The following NINJ2 variants were observed in gnomAD, a reference collection of about 807,000 sequenced individuals.
The protein encoded by NINJ2 is ninjurin-2.
A neutral mutation model predicts 11.7 loss-of-function variants in NINJ2; 12 were observed. The ratio of observed to expected loss-of-function variants is 1.02; its 90% confidence interval spans 0.66 to 1.66. The LOEUF (loss-of-function observed/expected upper bound fraction) is 1.66. Ranked by LOEUF, NINJ2 falls within the 40% of genes most tolerant of loss-of-function variation. The pLI is 0.00. For synonymous variants in NINJ2, 93 were observed against 76.8 expected (o/e 1.21, Z -1.10); for missense variants, 187 against 181.8 (o/e 1.03, Z -0.16).
At chr12:649,029 T>TCTATCTAC (rs1245571973) in intron 1 of NINJ2, among the ~76,000 whole-genome samples, 1 of 151,518 alleles carries the variant, frequency 6.6e-6, no homozygotes, top group Non-Finnish European at 1.5e-5. Context: ...TATCTATCTA[T>TCTATCTAC]CTATCTCAAG....
At chr12:600,653 GGTGTGTGTGTGTGT>G (rs58255968) in intron 1 of NINJ2, among the ~76,000 whole-genome samples, 39,745 of 141,950 alleles carry the variant, frequency 0.28, 6,725 homozygotes, top group Non-Finnish European at 0.39. Flanking sequence ...ATTTTTTTGG[GGTGTGTGTGTGTGT>G]GTGTGTGTGT....
At chr12:622,816 C>T (rs1404503742) in intron 1 of NINJ2, among the ~76,000 whole-genome samples, 2 of 151,608 alleles carry the variant, frequency 1.3e-5, no homozygotes, top group Non-Finnish European at 2.9e-5. Context: ...TCATGAATAA[C>T]TTTTCACATA....
In NINJ2 at chr12:594,273, T is replaced by C. The variant is rs529442171; in HGVS notation, c.34-28095A>G. On this transcript the variant is annotated intron_variant, in intron 1 of 3. Coordinates refer to ENST00000305108, the MANE Select transcript of NINJ2 (RefSeq NM_016533.6). ...AAGGTTGCAGGATACAAGGTTAATA[T>C]AAAAAAGTCCATTGTTTTCCTATAG... Among the ~76,000 whole-genome samples, 6 of 152,244 alleles carry C rather than the reference T, an allele frequency of 3.9e-5. No individual in the cohort carries two copies. In the East Asian group the frequency reaches 1.2e-3, roughly 29 times the overall value.
At chr12:566,224 G>A in intron 1 of NINJ2, 46 bp from the exon 2 acceptor site, 1 of 1,520,076 alleles carries the variant, frequency 6.6e-7, no homozygotes, top group Non-Finnish European at 9.0e-7. Flanking sequence ...CTCTGGAAGG[G>A]AAGCAGTTGA....
intron 1 of NINJ2, among the ~76,000 whole-genome samples, chr12:623,638 G>A (rs1304695832): frequency 1.3e-5 from 2 of 152,248 alleles, no homozygotes; most frequent in African/African-American, 2.4e-5. Flanking sequence ...GAAGGGATCT[G>A]GGGTTTATTA....
At chr12:616,862 C>T (rs1948097234) in intron 1 of NINJ2, among the ~76,000 whole-genome samples, 1 of 152,148 alleles carries the variant, frequency 6.6e-6, no homozygotes, top group East Asian at 1.9e-4. Context: ...AAAAGCTTAC[C>T]TTGGCATCTC....
At chr12:615,626 G>A (rs1403427337) in intron 1 of NINJ2, among the ~76,000 whole-genome samples, 1 of 152,128 alleles carries the variant, frequency 6.6e-6, no homozygotes, top group African/African-American at 2.4e-5. Flanking sequence ...TCAAAGCCCA[G>A]CTCCACTGCC....
intron 1 of NINJ2, among the ~76,000 whole-genome samples, chr12:605,083 T>A (rs1947923967): frequency 6.6e-6 from 1 of 152,234 alleles, no homozygotes; most frequent in Non-Finnish European, 1.5e-5. Context: ...TTTGGATGTC[T>A]GAACTCCCAG....
chr12:577,399 A>G (rs1299207548), intron 1 of NINJ2, among the ~76,000 whole-genome samples: 1 of 127,016 alleles, frequency 7.9e-6, no homozygotes, highest in African/African-American at 2.7e-5. Flanking sequence ...TCATAAGTTG[A>G]GAAGCAACAC....
intron 1 of NINJ2, among the ~76,000 whole-genome samples, chr12:579,829 T>C (rs1947522127): frequency 6.6e-6 from 1 of 152,224 alleles, no homozygotes; most frequent in African/African-American, 2.4e-5. Flanking sequence ...GATCCTATGG[T>C]GTTTCTTTTC....
In NINJ2 at chr12:573,227, A is replaced by G. The variant is rs577122073; in HGVS notation, c.34-7049T>C. Among the ~76,000 whole-genome samples, 6 of 151,446 alleles carry G rather than the reference A, an allele frequency of 4.0e-5. No homozygotes were observed. The South Asian group carries it at 6.3e-4, about 16-fold the overall frequency. On this transcript the variant is annotated intron_variant, in intron 1 of 3. Coordinates refer to ENST00000305108, the MANE Select transcript of NINJ2 (RefSeq NM_016533.6). ...TTTTTAGTAGAGACGGGGTTTCACCATGTTGCCCAGGCTCATCTCGAACTC... is the reference window on the plus strand; with the variant it reads ...TTTTTAGTAGAGACGGGGTTTCACCGTGTTGCCCAGGCTCATCTCGAACTC...
chr12:569,883 C>T (rs900598763), intron 1 of NINJ2, among the ~76,000 whole-genome samples: 1 of 152,214 alleles, frequency 6.6e-6, no homozygotes, highest in Non-Finnish European at 1.5e-5. Context: ...ACTGCGGGTG[C>T]TGGGCGGGAT....
chr12:598,889 G>A (rs11063800), intron 1 of NINJ2, among the ~76,000 whole-genome samples: 53,919 of 150,942 alleles, frequency 0.36, 10,148 homozygotes, highest in African/African-American at 0.48. Flanking sequence ...TGGTAAGGAC[G>A]GGGTTTCACC....
At chr12:566,519 G>C (rs529705037) in intron 1 of NINJ2, among the ~76,000 whole-genome samples, 2 of 152,170 alleles carry the variant, frequency 1.3e-5, no homozygotes, top group Non-Finnish European at 2.9e-5. Flanking sequence ...CCTGGGCCAG[G>C]CCTCAGCTTT....
chr12:609,990 C>T (rs1398822544), intron 1 of NINJ2, among the ~76,000 whole-genome samples: 1 of 139,462 alleles, frequency 7.2e-6, no homozygotes, highest in Non-Finnish European at 1.5e-5. Context: ...AATGTTTGAC[C>T]ATGGAAGGTC....
At chr12:599,182 G>A (rs963407198) in intron 1 of NINJ2, among the ~76,000 whole-genome samples, 1 of 151,858 alleles carries the variant, frequency 6.6e-6, no homozygotes, top group Non-Finnish European at 1.5e-5. Flanking sequence ...AGGAGTTCGA[G>A]ACCAGCTTGG....
intron 1 of NINJ2, among the ~76,000 whole-genome samples, chr12:596,019 C>T (rs1306209219): frequency 1.3e-5 from 2 of 152,170 alleles, no homozygotes; most frequent in African/African-American, 2.4e-5. Flanking sequence ...ATACCAAATG[C>T]TGCAAGGATG....
intron 1 of NINJ2, among the ~76,000 whole-genome samples, chr12:629,896 AATATATATAT>A (rs1160871577): frequency 2.0e-4 from 2 of 9,902 alleles, no homozygotes; most frequent in Non-Finnish European, 9.4e-4. Flanking sequence ...AAAAAAAAAA[AATATATATAT>A]ATATATATAT....
chr12:577,428 TAC>T lies in NINJ2; in HGVS notation c.34-11252_34-11251del, dbSNP rs200898771. 7.4e-4 allele frequency among the ~76,000 whole-genome samples: 99 copies of T among 133,930 alleles called. 2 individuals are homozygous for T. The highest frequency in any genetic ancestry group is 1.0e-3 in the African/African-American group (35 of 35,138). The allele number at this position is 133,930 out of a possible 152,430, so 87.9% of individuals were successfully genotyped here. A position where few individuals can be genotyped will look rare whatever the true frequency, so the allele number is the denominator to read the frequency against. On this transcript the variant is annotated intron_variant, in intron 1 of 3. Coordinates refer to ENST00000305108, the MANE Select transcript of NINJ2 (RefSeq NM_016533.6). ...GCAACACTAGTCTCATATATATATA[TAC>T]ATATATATATATAAATATTTTGGCA...
Sources: gnomAD v4.1 joint callset for allele counts (sites outside exome capture counted in the v4.1 genomes callset) on GRCh38, gnomAD v4.1.1 for gene constraint, MANE v1.5 for transcripts, NCBI Gene and HGNC (gene_info 2026-07-23, HGNC 2026-07-21) for gene names.